PPM1A: variants seen among roughly 807,000 people sequenced by gnomAD.
The protein encoded by PPM1A is protein phosphatase 1A.
Under a neutral mutation model 35.0 loss-of-function variants are expected in PPM1A, and 7 were observed. The ratio of observed to expected loss-of-function variants is 0.20; its 90% CI spans 0.11 to 0.38. PPM1A has a LOEUF of 0.38. PPM1A is among the 10% of genes least tolerant of loss of function. The probability of loss-of-function intolerance (pLI) is 1.00; values close to 1 mark genes in which losing one functional copy is unlikely to be tolerated. For missense variants in PPM1A, 239 were observed against 467.8 expected, an observed-to-expected ratio of 0.51 and a Z score of 4.51; for synonymous variants, 153 against 167.3, an observed-to-expected ratio of 0.91 and a Z score of 0.66.
intron 1 of PPM1A, among the ~76,000 whole-genome samples, chr14:60,272,103 G>T (rs1043762585): frequency 3.3e-5 from 5 of 151,044 alleles, no homozygotes; most frequent in Non-Finnish European, 7.4e-5. Context: ...GTGACATGAA[G>T]TGTCTCCCTA....
At position 60,295,209 on chromosome 14, in the gene PPM1A, A is replaced by T. The variant is rs567541389; in HGVS notation, c.*2727A>T. On this transcript the variant is annotated 3_prime_UTR_variant, in exon 6 of 6. Transcript: ENST00000395076. ...CTATGAATAGGAAATAACATTTTGTATAGCAGGCTCTGTTTTACCCTAACA... is the reference window on the plus strand; with the variant it reads ...CTATGAATAGGAAATAACATTTTGTTTAGCAGGCTCTGTTTTACCCTAACA... The T allele has an allele frequency of 1.3e-5, 2 of 151,916 alleles. No homozygotes were observed. The highest frequency in any genetic ancestry group is 1.3e-4 in the Admixed American group (2 of 15,222). The allele number at this position is 151,916 out of a possible 1,614,324, so 9.4% of individuals were successfully genotyped here. A position where few individuals can be genotyped will look rare whatever the true frequency, so the allele number is the denominator to read the frequency against.
chr14:60,282,586 G>A lies in PPM1A; in HGVS notation c.-20-98G>A. The A allele has an allele frequency of 2.8e-6, 4 of 1,438,018 alleles. No homozygotes were observed. Among genetic ancestry groups the A allele is most frequent in the Non-Finnish European group, 3.7e-6 (4 of 1,066,884 alleles). The allele number at this position is 1,438,018 out of a possible 1,614,324, so 89.1% of individuals were successfully genotyped here. On this transcript the variant is annotated intron_variant, in intron 1 of 5. Transcript: ENST00000395076. The surrounding 1 kb of genome is among the most constrained non-coding windows in gnomAD (Gnocchi z 5.1). Reference sequence around the variant, plus strand: ...TGAATGTCTGCTTATCGCGAGTTGTGAATTCCCGCATATCTCTTTCACTTA... The same window carrying A: ...TGAATGTCTGCTTATCGCGAGTTGTAAATTCCCGCATATCTCTTTCACTTA...
At position 60,286,272 on chromosome 14, in the gene PPM1A, T is replaced by C. The variant is rs530378077; in HGVS notation, c.952+531T>C. ...AGCTTCTTCCCTAAGCCATAAACTG[T>C]CTCACCTAAACAAGATAGACCTCAA... On this transcript the variant is annotated intron_variant, in intron 3 of 5. Coordinates refer to ENST00000395076, the MANE Select transcript of PPM1A (RefSeq NM_021003.5). 6 of 985,914 alleles carry C rather than the reference T, an allele frequency of 6.1e-6. No homozygotes were observed. The East Asian group carries it at 5.7e-4, about 93-fold the overall frequency. The allele number at this position is 985,914 out of a possible 1,614,324, so 61.1% of individuals were successfully genotyped here. A position where few individuals can be genotyped will look rare whatever the true frequency, so the allele number is the denominator to read the frequency against.
chr14:60,267,461 A>G (rs1178724277), intron 1 of PPM1A, among the ~76,000 whole-genome samples: 1 of 152,048 alleles, frequency 6.6e-6, no homozygotes, highest in Non-Finnish European at 1.5e-5. Context: ...TTTGTAATAT[A>G]TATTTTACTG....
Position 60,289,627 on chromosome 14 carries a change from A to AT in PPM1A, c.953-173dup, listed in dbSNP as rs1433132256. Among the ~76,000 whole-genome samples, 1 of 150,818 alleles carries AT rather than the reference A, an allele frequency of 6.6e-6. No homozygotes were observed. The highest frequency in any genetic ancestry group is 6.6e-5 in the Admixed American group (1 of 15,168). On this transcript the variant is annotated intron_variant, in intron 3 of 5. Coordinates refer to ENST00000395076, the MANE Select transcript of PPM1A (RefSeq NM_021003.5). This position sits in a 1 kb window ranked among gnomAD's most constrained non-coding sequence, Gnocchi z 4.1. The stretch of plus-strand genomic sequence containing the variant: ...GTTAATCTTATATGTCATTTTGTGC[A>AT]TTTTTTGTCATAAATCTTCAAAGGT...
intron 1 of PPM1A, among the ~76,000 whole-genome samples, chr14:60,280,329 C>T (rs1484642190): frequency 6.6e-6 from 1 of 152,124 alleles, no homozygotes; most frequent in Non-Finnish European, 1.5e-5. Context: ...TATACAGGAA[C>T]AGATGGAGAA....
chr14:60,282,751 G>C lies in PPM1A; in HGVS notation c.48G>C (p.Gln16His). ...DKPKMEKHNA[Q>H]GQGNGLRYGL... is the part of the protein sequence containing the mutation. ...CAAAGATGGAAAAGCATAATGCCCA[G>C]GGGCAGGGTAATGGGTTGCGATATG... Residue 16 changes from glutamine (Q) to histidine (H), a missense_variant, in exon 2 of 6, where the codon CAG becomes CAC. Physicochemically the swap from Gln to His is conservative, Grantham distance 24. Transcript: ENST00000395076. This position sits in a 1 kb window ranked among gnomAD's most constrained non-coding sequence, Gnocchi z 5.1. 1 of 1,614,266 alleles carries C rather than the reference G, an allele frequency of 6.2e-7. No individual in the cohort carries two copies. Among genetic ancestry groups the C allele is most frequent in the Non-Finnish European group, 8.5e-7 (1 of 1,180,050 alleles).
In PPM1A at chr14:60,273,926, A is replaced by G. The variant is rs1306276241; in HGVS notation, c.-20-8758A>G. Reference sequence around the variant, plus strand: ...AAGCAATCTTACCGCCCCAGCCTCCAAGCAGTTGGGACTACAAGTATGCAA... The same window carrying G: ...AAGCAATCTTACCGCCCCAGCCTCCGAGCAGTTGGGACTACAAGTATGCAA... On this transcript the variant is annotated intron_variant, in intron 1 of 5. Coordinates refer to ENST00000395076, the MANE Select transcript of PPM1A (RefSeq NM_021003.5). This position sits in a 1 kb window ranked among gnomAD's most constrained non-coding sequence, Gnocchi z 4.3. Among the ~76,000 whole-genome samples, 1 of 152,150 alleles carries G rather than the reference A, an allele frequency of 6.6e-6. No individual in the cohort carries two copies. The highest frequency in any genetic ancestry group is 1.5e-5 in the Non-Finnish European group (1 of 68,012).
chr14:60,249,423 C>T lies in PPM1A; in HGVS notation c.-275C>T, dbSNP rs527998687. On this transcript the variant is annotated 5_prime_UTR_variant, in exon 1 of 6. Transcript: ENST00000395076. The surrounding 1 kb of genome is among the most constrained non-coding windows in gnomAD (Gnocchi z 4.5). The stretch of plus-strand genomic sequence containing the variant: ...CGATGAGTCCTCGGCTCTTCCTCCT[C>T]CTTCTCCGGGACCCGCTCTCTGCCT... 6.2e-4 allele frequency: 613 copies of T among 984,816 alleles called. 8 individuals are homozygous for T. In the East Asian group the frequency reaches 0.021, roughly 34 times the overall value. 61.0% of individuals were successfully genotyped at this position (984,816 alleles called of 1,614,324 possible).
chr14:60,247,961 G>A (rs1192109332), upstream of PPM1A, among the ~76,000 whole-genome samples: 1 of 152,182 alleles, frequency 6.6e-6, no homozygotes, highest in Non-Finnish European at 1.5e-5. Flanking sequence ...GTTTGTGTGT[G>A]CATCAGAACA....
In PPM1A at chr14:60,295,413, T is replaced by C. The variant is rs1290962833; in HGVS notation, c.*2931T>C. 6.6e-6 allele frequency: 1 copy of C among 151,776 alleles called. No individual in the cohort carries two copies. Among genetic ancestry groups the C allele is most frequent in the Non-Finnish European group, 1.5e-5 (1 of 67,736 alleles). The allele number at this position is 151,776 out of a possible 1,614,324, so 9.4% of individuals were successfully genotyped here. On this transcript the variant is annotated 3_prime_UTR_variant, in exon 6 of 6. Coordinates refer to ENST00000395076, the MANE Select transcript of PPM1A (RefSeq NM_021003.5). Reference sequence around the variant, plus strand: ...GTATCTCAAACATATTTTTACTTTATAGTGCATTAACTTGCTTCTAGAGTA... The same window carrying C: ...GTATCTCAAACATATTTTTACTTTACAGTGCATTAACTTGCTTCTAGAGTA...
intron 1 of PPM1A, among the ~76,000 whole-genome samples, chr14:60,272,417 C>G (rs993805961): frequency 2.0e-5 from 3 of 152,018 alleles, no homozygotes; most frequent in African/African-American, 7.2e-5. Context: ...CATTTTAAGA[C>G]ACACAGGAGG....
At chr14:60,288,955 T>C (rs765836813) in intron 3 of PPM1A, among the ~76,000 whole-genome samples, 7 of 152,168 alleles carry the variant, frequency 4.6e-5, no homozygotes, top group Non-Finnish European at 1.0e-4. Context: ...GGAATAGTTG[T>C]AGAGTTCTTT....
chr14:60,249,082 TC>T (rs1385163837), upstream of PPM1A, among the ~76,000 whole-genome samples: 3 of 151,800 alleles, frequency 2.0e-5, no homozygotes, highest in Non-Finnish European at 2.9e-5. This position sits in a 1 kb window ranked among gnomAD's most constrained non-coding sequence, Gnocchi z 4.5. Context: ...TCACCGCAGT[TC>T]CTGCCCAACG....
intron 1 of PPM1A, among the ~76,000 whole-genome samples, chr14:60,269,349 C>A (rs769584683): frequency 6.6e-6 from 1 of 152,092 alleles, no homozygotes; most frequent in Non-Finnish European, 1.5e-5. Context: ...TACTTTAGTG[C>A]TGGCATATTT....
At chr14:60,255,229 T>C (rs1882961209) in intron 1 of PPM1A, among the ~76,000 whole-genome samples, 1 of 142,678 alleles carries the variant, frequency 7.0e-6, no homozygotes, top group African/African-American at 2.8e-5. Flanking sequence ...TGGAGTGCAG[T>C]GGCGCGATCT....
At chr14:60,262,388 G>A (rs1280832437) in intron 1 of PPM1A, among the ~76,000 whole-genome samples, 2 of 152,084 alleles carry the variant, frequency 1.3e-5, no homozygotes, top group Non-Finnish European at 2.9e-5. Context: ...TTCTAGAACC[G>A]CAAACTAATA....
At chr14:60,264,348 TA>T (rs1884130371) in intron 1 of PPM1A, among the ~76,000 whole-genome samples, 1 of 152,190 alleles carries the variant, frequency 6.6e-6, no homozygotes, top group South Asian at 2.1e-4. Flanking sequence ...GGTAGTTTTT[TA>T]AAAGATTTCT....
chr14:60,250,564 T>C, intron 1 of PPM1A: 1 of 380,124 alleles, frequency 2.6e-6, no homozygotes, highest in Non-Finnish European at 3.6e-6. Flanking sequence ...GGGATCTGTG[T>C]GCTAGCCCCA....
Sources: allele counts gnomAD v4.1 joint callset (sites outside exome capture counted in the v4.1 genomes callset), GRCh38; gene constraint gnomAD v4.1.1; non-coding constraint Gnocchi (gnomAD v3.1); transcripts MANE v1.5; gene names NCBI Gene and HGNC (gene_info 2026-07-23, HGNC 2026-07-21).